The following BBS4 variants were observed in gnomAD, a reference collection of about 807,000 sequenced individuals.
The protein encoded by BBS4 is Bardet-Biedl syndrome 4.
BBS4 carries 58 observed loss-of-function variants against 71.4 expected under a neutral mutation model. That is an observed-to-expected ratio of 0.81 (90% CI 0.66 to 1.01). BBS4 has a LOEUF of 1.01. Among genes scored for constraint, BBS4 ranks in the 50% least tolerant of loss-of-function variants. The pLI is 0.00. For missense variants in BBS4, 660 were observed against 607.9 expected, an observed-to-expected ratio of 1.09 and a Z score of -0.90; for synonymous variants, 228 against 216.8, an observed-to-expected ratio of 1.05 and a Z score of -0.46.
rs1328701382 is a variant in BBS4, at chr15:72,738,432, G to A, written c.*845G>A. ...TCCTTTGGGGAAAATTGTTATTCAG[G>A]TATAAAAACAAGAGATCATAATAAA... On this transcript the variant is annotated 3_prime_UTR_variant, in exon 16 of 16. Transcript: ENST00000268057. 4 of 381,404 alleles carry A rather than the reference G, an allele frequency of 1.0e-5. No homozygotes were observed. Among genetic ancestry groups the A allele is most frequent in the African/African-American group, 4.2e-5 (2 of 47,252 alleles). The allele number at this position is 381,404 out of a possible 1,614,324, so 23.6% of individuals were successfully genotyped here.
chr15:72,727,497 C>T (rs1245628834), intron 8 of BBS4, among the ~76,000 whole-genome samples: 1 of 151,938 alleles, frequency 6.6e-6, no homozygotes, highest in African/African-American at 2.4e-5. Context: ...GCATTAGGGG[C>T]CTTGGGATCC....
chr15:72,733,341 T>C (rs1380231193), intron 12 of BBS4, among the ~76,000 whole-genome samples: 5 of 74,708 alleles, frequency 6.7e-5, no homozygotes, highest in Non-Finnish European at 1.3e-4. Flanking sequence ...ATGTGCATCC[T>C]GTTACACAGG....
intron 1 of BBS4, among the ~76,000 whole-genome samples, chr15:72,692,889 C>T (rs1393056112): frequency 2.0e-5 from 3 of 152,140 alleles, no homozygotes; most frequent in Non-Finnish European, 4.4e-5. Context: ...TGAGCCACCA[C>T]ACCTGGCTGA....
At chr15:72,692,982 C>T (rs562160476) in intron 1 of BBS4, among the ~76,000 whole-genome samples, 1 of 152,124 alleles carries the variant, frequency 6.6e-6, no homozygotes, top group Admixed American at 6.6e-5. Flanking sequence ...ATCTGTTACC[C>T]CTCCCTTTCT....
intron 7 of BBS4, among the ~76,000 whole-genome samples, chr15:72,723,206 A>C (rs1235552542): frequency 6.6e-6 from 1 of 152,212 alleles, no homozygotes; most frequent in African/African-American, 2.4e-5. Context: ...CATGTGAGCT[A>C]TCTCCATGCC....
At chr15:72,733,142 A>G (rs977955804) in intron 12 of BBS4, among the ~76,000 whole-genome samples, 2 of 152,192 alleles carry the variant, frequency 1.3e-5, no homozygotes, top group African/African-American at 4.8e-5. Flanking sequence ...GTAAGGCCCC[A>G]GATGTCAAAA....
At chr15:72,708,962 A>G (rs1416932363) in intron 2 of BBS4, among the ~76,000 whole-genome samples, 1 of 152,222 alleles carries the variant, frequency 6.6e-6, no homozygotes, top group Admixed American at 6.5e-5. Flanking sequence ...ACCGCTGAAC[A>G]TAGACTCTTA....
intron 2 of BBS4, among the ~76,000 whole-genome samples, chr15:72,696,168 G>A (rs2065072974): frequency 6.6e-6 from 1 of 152,164 alleles, no homozygotes; most frequent in African/African-American, 2.4e-5. Flanking sequence ...AAGATCTGTT[G>A]TTGGATGCAT....
At chr15:72,705,923 G>A (rs1190593904) in intron 2 of BBS4, among the ~76,000 whole-genome samples, 1 of 151,996 alleles carries the variant, frequency 6.6e-6, no homozygotes, top group Non-Finnish European at 1.5e-5. Context: ...TAACAGCTAA[G>A]ACTTGAAAAT....
intron 10 of BBS4, among the ~76,000 whole-genome samples, chr15:72,730,201 C>T (rs962516863): frequency 5.9e-5 from 9 of 151,556 alleles, no homozygotes; most frequent in South Asian, 2.1e-4. Context: ...GGCGTGAACC[C>T]GGGAGGCAGA....
At chr15:72,704,336 A>G in intron 2 of BBS4, 1 of 758,780 alleles carries the variant, frequency 1.3e-6, no homozygotes, top group Non-Finnish European at 2.0e-6. Context: ...CTCTGCATTT[A>G]CATGCTTATG....
chr15:72,735,918 G>A lies in BBS4; in HGVS notation c.1200G>A (p.Lys400=), dbSNP rs1295583634. The A allele has an allele frequency of 6.2e-7, 1 of 1,614,124 alleles. No individual in the cohort carries two copies. Among genetic ancestry groups the A allele is most frequent in the East Asian group, 2.2e-5 (1 of 44,872 alleles). ...NALAQYQEME[K]KVSLLKDNSS... is the part of the protein sequence containing the mutation. ...TGGCCCAATATCAGGAGATGGAGAA[G>A]AAAGTCAGCCTACTCAAGGACAATA... The change falls in exon 14 of 16, where the codon AAG becomes AAA. Residue 400 remains lysine (K), a synonymous_variant. Transcript: ENST00000268057.
At chr15:72,712,166 C>T (rs1483573274) in intron 3 of BBS4, 78 bp from the exon 4 acceptor site, 2 of 1,353,262 alleles carry the variant, frequency 1.5e-6, no homozygotes, top group South Asian at 1.2e-5. Flanking sequence ...CGCACCTGGC[C>T]TGTCCATGTC....
intron 9 of BBS4, among the ~76,000 whole-genome samples, chr15:72,729,262 T>C (rs1326629777): frequency 6.7e-6 from 1 of 149,968 alleles, no homozygotes; most frequent in Non-Finnish European, 1.5e-5. Flanking sequence ...TTTTTTTTTT[T>C]TTTTGGAGAC....
rs757824858 is a variant in BBS4, at chr15:72,725,794, TCTTCCCCCATCCCC to T, written c.587+1157_587+1170del. Among the ~76,000 whole-genome samples the T allele has an allele frequency of 0.016, 295 of 18,694 alleles. 86 individuals are homozygous for T. In the East Asian group the frequency reaches 0.18, roughly 11 times the overall value. 12.3% of individuals were successfully genotyped at this position (18,694 alleles called of 152,430 possible). The stretch of plus-strand genomic sequence containing the variant: ...CTTCCTCTTCCCCTTCCTCCTTCCC[TCTTCCCCCATCCCC>T]CTTCCCCCATCCCCCTTTCCCCATC... On this transcript the variant is annotated intron_variant, in intron 8 of 15. Coordinates refer to ENST00000268057, the MANE Select transcript of BBS4 (RefSeq NM_033028.5).
intron 12 of BBS4, 67 bp downstream of exon 12, chr15:72,731,793 T>C (rs971069608): frequency 6.3e-7 from 1 of 1,588,186 alleles, no homozygotes; most frequent in African/African-American, 1.3e-5. Context: ...ATTAGAATCA[T>C]AGAAGATCAG....
At chr15:72,698,881 G>C (rs1013750902) in intron 2 of BBS4, among the ~76,000 whole-genome samples, 3 of 152,202 alleles carry the variant, frequency 2.0e-5, no homozygotes, top group African/African-American at 7.2e-5. Context: ...TTTGGTTCTT[G>C]TGTATACAGA....
At chr15:72,729,800 G>A (rs901823243) in intron 10 of BBS4, 116 bp downstream of exon 10, 1 of 839,388 alleles carries the variant, frequency 1.2e-6, no homozygotes, top group South Asian at 1.5e-5. Flanking sequence ...CTGAGAAATA[G>A]AAAAAATATA....
Position 72,735,139 on chromosome 15 carries a change from G to C in BBS4, c.1063G>C (p.Glu355Gln), listed in dbSNP as rs1478448702. ...GGCTCTGACCAATCTGGAAGATATA[G>C]AAAATGCCAAGAGAGCCTACGCAGA... is the stretch of plus-strand genomic sequence containing the variant. ...AVALTNLEDIENAKRAYAEAV... is the reference protein window; with the variant it reads ...AVALTNLEDIQNAKRAYAEAV... The change falls in exon 13 of 16, where the codon GAA (glutamate) becomes CAA (glutamine). Residue 355 changes from glutamate to glutamine, a missense_variant. By Grantham distance (29) the Glu-to-Gln change is conservative. Coordinates refer to ENST00000268057, the MANE Select transcript of BBS4 (RefSeq NM_033028.5). 9.9e-6 allele frequency: 16 copies of C among 1,613,774 alleles called. No homozygotes were observed. The highest frequency in any genetic ancestry group is 1.3e-5 in the African/African-American group (1 of 75,044).
Sources: gnomAD v4.1 joint callset for allele counts (sites outside exome capture counted in the v4.1 genomes callset) on GRCh38, gnomAD v4.1.1 for gene constraint, MANE v1.5 for transcripts, NCBI Gene and HGNC (gene_info 2026-07-23, HGNC 2026-07-21) for gene names.